The following KAT2B variants were observed in gnomAD, a reference collection of about 807,000 sequenced individuals.
KAT2B encodes histone acetyltransferase KAT2B.
Under a neutral mutation model 105.9 loss-of-function variants are expected in KAT2B, and 36 were observed. The observed-to-expected ratio is 0.34, with a 90% CI of 0.26 to 0.45. The LOEUF (loss-of-function observed/expected upper bound fraction) is 0.45, where lower values mean the gene tolerates loss of function less well. Ranked by LOEUF, KAT2B falls within the 20% of genes least tolerant of loss-of-function variation. KAT2B has a pLI of 1.00. For missense variants in KAT2B, 820 were observed against 1,021.6 expected, an observed-to-expected ratio of 0.80 and a Z score of 2.69; for synonymous variants, 397 against 377.9, an observed-to-expected ratio of 1.05 and a Z score of -0.59.
At chr3:20,108,494 A>G (rs1699061639) in intron 5 of KAT2B, among the ~76,000 whole-genome samples, 1 of 152,246 alleles carries the variant, frequency 6.6e-6, no homozygotes, top group Non-Finnish European at 1.5e-5. Context: ...AATGGACCAC[A>G]TATAATGACA....
At chr3:20,125,758 T>C (rs1297278302) in intron 9 of KAT2B, 147 bp from the exon 10 acceptor site, 3 of 640,730 alleles carry the variant, frequency 4.7e-6, no homozygotes, top group Non-Finnish European at 8.2e-6. Flanking sequence ...TCTCTGTGTG[T>C]ATGTGTGCAC....
chr3:20,052,744 C>T (rs56117426), intron 1 of KAT2B, among the ~76,000 whole-genome samples: 23,306 of 151,826 alleles, frequency 0.15, 2,144 homozygotes, highest in Middle Eastern at 0.23. Context: ...GAGGTGGTCA[C>T]ATCACCTGAG....
intron 11 of KAT2B, among the ~76,000 whole-genome samples, chr3:20,130,789 T>C (rs1699495481): frequency 6.6e-6 from 1 of 152,138 alleles, no homozygotes; most frequent in South Asian, 2.1e-4. Flanking sequence ...GACTTGAAAC[T>C]GTAGTTTTAG....
chr3:20,081,914 C>CATATATAT (rs145138566), intron 2 of KAT2B, among the ~76,000 whole-genome samples: 2 of 131,714 alleles, frequency 1.5e-5, no homozygotes, highest in Non-Finnish European at 3.1e-5. Context: ...TAGAGAGTCT[C>CATATATAT]ATATATATAT....
chr3:20,142,183 G>A (rs1043585479), intron 13 of KAT2B, among the ~76,000 whole-genome samples: 2 of 152,132 alleles, frequency 1.3e-5, no homozygotes, highest in Non-Finnish European at 2.9e-5. Context: ...CGCCAGAAGC[G>A]CAGAGCTATT....
intron 1 of KAT2B, among the ~76,000 whole-genome samples, chr3:20,059,010 A>G (rs1444833722): frequency 6.6e-6 from 1 of 152,214 alleles, no homozygotes; most frequent in African/African-American, 2.4e-5. Flanking sequence ...TTTGAGAAGC[A>G]CTACTCCTAA....
chr3:20,059,403 ACT>A (rs1698058403), intron 1 of KAT2B, among the ~76,000 whole-genome samples: 1 of 83,780 alleles, frequency 1.2e-5, no homozygotes, highest in Non-Finnish European at 2.2e-5. Flanking sequence ...GGCGACAGAG[ACT>A]CTGTCTCAAA....
chr3:20,148,137 G>T, intron 15 of KAT2B, 106 bp from the exon 16 acceptor site: 1 of 1,352,308 alleles, frequency 7.4e-7, no homozygotes, highest in Non-Finnish European at 1.0e-6. Flanking sequence ...AAACATTCTG[G>T]AATGGTTCCA....
intron 11 of KAT2B, among the ~76,000 whole-genome samples, chr3:20,129,971 A>AATTATTATT (rs143451150): frequency 8.0e-5 from 12 of 150,814 alleles, no homozygotes; most frequent in African/African-American, 2.9e-4. Flanking sequence ...CATTTTTTAA[A>AATTATTATT]ATTATTATTA....
At chr3:20,040,853 G>GCTTCCA in intron 1 of KAT2B, 73 bp downstream of exon 1, 1 of 1,428,480 alleles carries the variant, frequency 7.0e-7, no homozygotes, top group Non-Finnish European at 9.2e-7. Context: ...TCCCCCTCCC[G>GCTTCCA]CTTCCACCTC....
chr3:20,147,762 G>A (rs1221432677), intron 14 of KAT2B, among the ~76,000 whole-genome samples: 1 of 152,276 alleles, frequency 6.6e-6, no homozygotes, highest in African/African-American at 2.4e-5. Context: ...ACTAACATAT[G>A]GGGCAGCGTT....
rs942282048 is a variant in KAT2B at position 20,128,173 on chromosome 3, C to T, written c.1749+624C>T. ...GTTCAATATGTAACTCAAGTGTAGT[C>T]GATAGCAAATGAAGGGATATTTGAA... On this transcript the variant is annotated intron_variant, in intron 11 of 17. Coordinates refer to ENST00000263754, the MANE Select transcript of KAT2B (RefSeq NM_003884.5). 7.9e-5 allele frequency among the ~76,000 whole-genome samples: 12 copies of T among 152,198 alleles called. 1 individual carries two copies. Among genetic ancestry groups the T allele is most frequent in the Admixed American group, 5.2e-4 (8 of 15,288 alleles).
At chr3:20,092,203 A>G (rs1192395136) in intron 2 of KAT2B, among the ~76,000 whole-genome samples, 2 of 151,758 alleles carry the variant, frequency 1.3e-5, no homozygotes, top group African/African-American at 4.8e-5. Context: ...ATTTCATTCA[A>G]TCTCTACTTT....
intron 11 of KAT2B, among the ~76,000 whole-genome samples, chr3:20,129,649 T>C (rs564695789): frequency 6.6e-6 from 1 of 152,334 alleles, no homozygotes; most frequent in Non-Finnish European, 1.5e-5. Flanking sequence ...GTGCTGAGAT[T>C]ACAAACATGA....
chr3:20,053,361 C>T (rs904258739), intron 1 of KAT2B, among the ~76,000 whole-genome samples: 2 of 152,042 alleles, frequency 1.3e-5, no homozygotes, highest in East Asian at 1.9e-4. Flanking sequence ...CATAATGAGA[C>T]CCCATCTCTA....
intron 2 of KAT2B, among the ~76,000 whole-genome samples, chr3:20,094,066 A>G (rs985469898): frequency 2.6e-5 from 4 of 152,198 alleles, no homozygotes; most frequent in Non-Finnish European, 5.9e-5. Context: ...TGATGAAACA[A>G]TATTTAGTCT....
rs1453657505 is a variant in KAT2B at position 20,152,840 on chromosome 3, TG to T, written c.*316del. 1 of 170,708 alleles carries T rather than the reference TG, an allele frequency of 5.9e-6. No homozygotes were observed. 10.6% of individuals were successfully genotyped at this position (170,708 alleles called of 1,614,324 possible). A position where few individuals can be genotyped will look rare whatever the true frequency, so the allele number is the denominator to read the frequency against. On this transcript the variant is annotated 3_prime_UTR_variant, in exon 18 of 18. Coordinates refer to ENST00000263754, the MANE Select transcript of KAT2B (RefSeq NM_003884.5). ...CCTCAAAACCTGTGTGTGAGGAAAT[TG>T]CACACAGTAGCAAAATTTGGGGAAA... is the stretch of plus-strand genomic sequence containing the variant.
intron 1 of KAT2B, among the ~76,000 whole-genome samples, chr3:20,049,772 A>G (rs796405249): frequency 1.6e-4 from 24 of 152,290 alleles, no homozygotes; most frequent in African/African-American, 5.5e-4. Context: ...TGATTGTTTT[A>G]AAGTTGACAA....
chr3:20,040,780 G>A lies in KAT2B; in HGVS notation c.303G>A (p.Lys101=). 6.3e-7 allele frequency: 1 copy of A among 1,588,162 alleles called. No individual in the cohort carries two copies. ...LEKLGVYSAC[K]AEESCKCNGW... is the part of the protein sequence containing the mutation. The stretch of plus-strand genomic sequence containing the variant: ...AACTCGGAGTGTACTCCGCCTGCAA[G>A]GTACGCGCTCGCCGCTCTCGGACCG... The change falls in exon 1 of 18, where the codon AAG becomes AAA. Residue 101 remains lysine (K), a splice_region_variant and synonymous_variant. Coordinates refer to ENST00000263754, the MANE Select transcript of KAT2B (RefSeq NM_003884.5).
Sources: allele counts gnomAD v4.1 joint callset (sites outside exome capture counted in the v4.1 genomes callset), GRCh38; gene constraint gnomAD v4.1.1; transcripts MANE v1.5; gene names NCBI Gene and HGNC (gene_info 2026-07-23, HGNC 2026-07-21).